The following PDK1 variants were observed in gnomAD, a reference collection of about 807,000 sequenced individuals.
The protein encoded by PDK1 is pyruvate dehydrogenase kinase 1.
In PDK1, 39 loss-of-function variants were observed where a neutral mutation model predicts 54.2. The ratio of observed to expected loss-of-function variants is 0.72; its 90% CI spans 0.56 to 0.94. The LOEUF is 0.94. Ranked by LOEUF, PDK1 falls within the 40% of genes least tolerant of loss-of-function variation. PDK1 has a pLI of 0.00. For synonymous variants in PDK1, 221 were observed against 207.1 expected (o/e 1.07, Z -0.58); for missense variants, 552 against 566.0 (o/e 0.98, Z 0.25).
the PDK1 span, among the ~76,000 whole-genome samples, chr2:172,665,806 G>A: frequency 3.3e-5 from 5 of 152,186 alleles, no homozygotes; most frequent in Admixed American, 6.5e-5. Flanking sequence ...TCGATGGGGT[G>A]GGGTTTGTGG....
the PDK1 span, among the ~76,000 whole-genome samples, chr2:172,650,093 G>A: frequency 6.6e-6 from 1 of 152,156 alleles, no homozygotes; most frequent in Non-Finnish European, 1.5e-5. Context: ...AGAGAGAAAG[G>A]TCAGGTTACC....
rs1389433029 is a variant in PDK1 at position 172,607,261 on chromosome 2, A to AG, written c.*11293dup. The AG allele has an allele frequency of 1.3e-5, 2 of 152,220 alleles. No individual in the cohort carries two copies. Among genetic ancestry groups the AG allele is most frequent in the Non-Finnish European group, 2.9e-5 (2 of 68,018 alleles). The allele number at this position is 152,220 out of a possible 1,614,324, so 9.4% of individuals were successfully genotyped here. A position where few individuals can be genotyped will look rare whatever the true frequency, so the allele number is the denominator to read the frequency against. ...AGCTATGATTGTGCTGCTGCACTCC[A>AG]GCCTGGGTGACAGAGCGAGGTTGCT... On this transcript the variant is annotated 3_prime_UTR_variant, in exon 11 of 11. Transcript: ENST00000282077.
chr2:172,718,268 G>A, the PDK1 span, among the ~76,000 whole-genome samples: 7 of 152,346 alleles, frequency 4.6e-5, no homozygotes, highest in African/African-American at 1.7e-4. Flanking sequence ...AGGAAATAAT[G>A]AAGCTAGTGA....
intron 8 of PDK1, among the ~76,000 whole-genome samples, chr2:172,582,048 G>A (rs1236193345): frequency 6.6e-6 from 1 of 152,004 alleles, no homozygotes; most frequent in East Asian, 1.9e-4. Flanking sequence ...GAGTAGTGGG[G>A]ATTACAGGCA....
intron 8 of PDK1, among the ~76,000 whole-genome samples, chr2:172,571,494 A>G (rs1448333043): frequency 1.3e-5 from 2 of 152,136 alleles, no homozygotes; most frequent in Non-Finnish European, 2.9e-5. Context: ...TTCCAGAGTA[A>G]CTGGGACTGC....
At chr2:172,568,212 C>T (rs535222923) in intron 6 of PDK1, among the ~76,000 whole-genome samples, 2 of 151,362 alleles carry the variant, frequency 1.3e-5, no homozygotes, top group East Asian at 3.9e-4. Context: ...CCTGTAATCC[C>T]AGCTACTCGG....
intron 8 of PDK1, among the ~76,000 whole-genome samples, chr2:172,583,818 A>G (rs1690060361): frequency 1.3e-5 from 2 of 152,122 alleles, no homozygotes; most frequent in Non-Finnish European, 2.9e-5. Flanking sequence ...ATTGACTTTT[A>G]ATACATATTA....
the PDK1 span, among the ~76,000 whole-genome samples, chr2:172,618,027 T>C: frequency 6.6e-6 from 1 of 152,204 alleles, no homozygotes; most frequent in East Asian, 1.9e-4. Flanking sequence ...TTGTAATAGA[T>C]ATGATTTAAA....
chr2:172,557,942 T>A (rs1423860424), intron 1 of PDK1, among the ~76,000 whole-genome samples: 2 of 152,014 alleles, frequency 1.3e-5, no homozygotes, highest in African/African-American at 2.4e-5. Flanking sequence ...AACCTCAAAT[T>A]TCAGCCTGAG....
At chr2:172,652,290 A>T in the PDK1 span, among the ~76,000 whole-genome samples, 4 of 152,212 alleles carry the variant, frequency 2.6e-5, no homozygotes, top group Non-Finnish European at 4.4e-5. Context: ...AAAAATTCTC[A>T]ATAAACTAGG....
chr2:172,622,511 GAT>G, the PDK1 span, among the ~76,000 whole-genome samples: 4 of 143,878 alleles, frequency 2.8e-5, no homozygotes, highest in Non-Finnish European at 6.0e-5. Context: ...TATTATGTGA[GAT>G]ATGTTTATAT....
chr2:172,700,990 G>A, the PDK1 span, among the ~76,000 whole-genome samples: 4 of 152,122 alleles, frequency 2.6e-5, no homozygotes, highest in Non-Finnish European at 5.9e-5. Flanking sequence ...GAGGGAGACC[G>A]TGCAAAGGGG....
chr2:172,588,757 G>C (rs570198753), intron 9 of PDK1, among the ~76,000 whole-genome samples: 1 of 152,276 alleles, frequency 6.6e-6, no homozygotes, highest in East Asian at 1.9e-4. Flanking sequence ...GGTTACGGAG[G>C]GCTTCCTCCC....
the PDK1 span, among the ~76,000 whole-genome samples, chr2:172,645,075 T>A: frequency 6.6e-6 from 1 of 151,938 alleles, no homozygotes; most frequent in Non-Finnish European, 1.5e-5. Context: ...ATTTTCAGGA[T>A]TTTATAAGCC....
At chr2:172,645,537 G>T in the PDK1 span, among the ~76,000 whole-genome samples, 1 of 152,118 alleles carries the variant, frequency 6.6e-6, no homozygotes, top group Admixed American at 6.5e-5. Flanking sequence ...GGGATTACAG[G>T]TGTAAGCCAC....
At position 172,601,591 on chromosome 2, in the gene PDK1, A is replaced by C. The variant is rs891715496; in HGVS notation, c.*5622A>C. The C allele has an allele frequency of 6.6e-6, 1 of 152,182 alleles. No individual in the cohort carries two copies. The highest frequency in any genetic ancestry group is 2.4e-5 in the African/African-American group (1 of 41,430). 9.4% of individuals were successfully genotyped at this position (152,182 alleles called of 1,614,324 possible). A position where few individuals can be genotyped will look rare whatever the true frequency, so the allele number is the denominator to read the frequency against. On this transcript the variant is annotated 3_prime_UTR_variant, in exon 11 of 11. Coordinates refer to ENST00000282077, the MANE Select transcript of PDK1 (RefSeq NM_002610.5). The stretch of plus-strand genomic sequence containing the variant: ...TTCCACCATGATTGTGAGTTTCTGG[A>C]GGCTTCTGCAGCCTTGCGGAACTGT...
chr2:172,621,816 GTATGA>G, the PDK1 span, among the ~76,000 whole-genome samples: 5 of 131,000 alleles, frequency 3.8e-5, no homozygotes, highest in East Asian at 2.0e-4. Flanking sequence ...TATCTCATAT[GTATGA>G]TATATGTTTA....
the PDK1 span, among the ~76,000 whole-genome samples, chr2:172,622,670 ATC>A: frequency 2.0e-3 from 282 of 143,690 alleles, 2 homozygotes; most frequent in Admixed American, 3.6e-3. Context: ...ATATGTTTAT[ATC>A]TCATATATTA....
intron 8 of PDK1, among the ~76,000 whole-genome samples, chr2:172,579,525 CTTTTTT>C (rs10660737): frequency 8.2e-6 from 1 of 122,562 alleles, no homozygotes; most frequent in Non-Finnish European, 1.7e-5. Flanking sequence ...CCCGCTCTTT[CTTTTTT>C]TTTTTTTTTT....
Sources: gnomAD v4.1 joint callset for allele counts (sites outside exome capture counted in the v4.1 genomes callset) on GRCh38, gnomAD v4.1.1 for gene constraint, MANE v1.5 for transcripts, NCBI Gene and HGNC (gene_info 2026-07-23, HGNC 2026-07-21) for gene names.